Variants in MYH14 observed in about 807,000 individuals in gnomAD.
MYH14 encodes myosin heavy chain 14.
A neutral mutation model predicts 255.5 loss-of-function variants in MYH14; 123 were observed. The observed-to-expected ratio is 0.48, with a 90% CI of 0.42 to 0.56. The LOEUF (loss-of-function observed/expected upper bound fraction) is 0.56. Among genes scored for constraint, MYH14 ranks in the 20% least tolerant of loss-of-function variants. MYH14 has a pLI of 0.00. For missense variants in MYH14, 2,423 were observed against 2,802.3 expected, an observed-to-expected ratio of 0.86 and a Z score of 3.06; for synonymous variants, 1,095 against 1,161.2, an observed-to-expected ratio of 0.94 and a Z score of 1.16.
At position 50,250,553 on chromosome 19, in the gene MYH14, G is replaced by A. The variant is rs1231691389; in HGVS notation, c.1695G>A (p.Glu565=). ...PPGLLALLDE[E]CWFPKATDKS... Reference sequence around the variant, plus strand: ...GACTCCTGGCCCTGCTGGATGAGGAGTGCTGGTTCCCGAAGGCCACAGACA... The same window carrying A: ...GACTCCTGGCCCTGCTGGATGAGGAATGCTGGTTCCCGAAGGCCACAGACA... Residue 565 remains glutamate, a synonymous_variant, in exon 15 of 43, where the codon GAG becomes GAA. Coordinates refer to ENST00000642316, the MANE Select transcript of MYH14 (RefSeq NM_001145809.2). The surrounding 1 kb of genome is among the most constrained non-coding windows in gnomAD (Gnocchi z 5.4). The A allele has an allele frequency of 4.3e-6, 7 of 1,613,772 alleles. No individual in the cohort carries two copies. The highest frequency in any genetic ancestry group is 5.9e-6 in the Non-Finnish European group (7 of 1,179,916).
In MYH14 at chr19:50,257,495, C is replaced by T. The variant is rs1335453719; in HGVS notation, c.2232+9C>T. On this transcript the variant is annotated intron_variant, in intron 18 of 42. Transcript: ENST00000642316. ...CCAACCACGAGAAGAGGGTGAGTGA[C>T]TCAGCCTGGGGAGGAAGGGGTGGCT... 1 of 1,593,034 alleles carries T rather than the reference C, an allele frequency of 6.3e-7. No individual in the cohort carries two copies. The highest frequency in any genetic ancestry group is 8.6e-7 in the Non-Finnish European group (1 of 1,169,270).
chr19:50,230,709 A>C lies in MYH14; in HGVS notation c.973+86A>C, dbSNP rs1028176250. ...GGGCCCCTTCTGGGGAGGAAGCAAG[A>C]GTGGGGGGCTCTAATATCCGTCAAA... On this transcript the variant is annotated intron_variant, in intron 9 of 42. Transcript: ENST00000642316. The surrounding 1 kb of genome is among the most constrained non-coding windows in gnomAD (Gnocchi z 4.7). 2.7e-6 allele frequency: 3 copies of C among 1,119,670 alleles called. No individual in the cohort carries two copies. Among genetic ancestry groups the C allele is most frequent in the African/African-American group, 3.1e-5 (2 of 64,246 alleles). The allele number at this position is 1,119,670 out of a possible 1,614,324, so 69.4% of individuals were successfully genotyped here.
At chr19:50,253,520 G>A (rs2034479550) in intron 16 of MYH14, among the ~76,000 whole-genome samples, 1 of 151,984 alleles carries the variant, frequency 6.6e-6, no homozygotes, top group Admixed American at 6.6e-5. Context: ...TTGCAGGTCA[G>A]TCAACTTTTA....
At chr19:50,265,549 G>A (rs951518054) in intron 22 of MYH14, among the ~76,000 whole-genome samples, 6 of 151,832 alleles carry the variant, frequency 4.0e-5, no homozygotes, top group African/African-American at 1.2e-4. Flanking sequence ...GGCCAGGCAC[G>A]GAGGCGTATG....
chr19:50,249,306 T>C, intron 13 of MYH14, 167 bp downstream of exon 13: 1 of 823,156 alleles, frequency 1.2e-6, no homozygotes, highest in Non-Finnish European at 1.8e-6. Flanking sequence ...TGGGTCTCTG[T>C]CCCCTGTCTC....
intron 24 of MYH14, among the ~76,000 whole-genome samples, chr19:50,269,326 T>C (rs1444062168): frequency 1.3e-5 from 2 of 152,182 alleles, no homozygotes; most frequent in Non-Finnish European, 2.9e-5. Context: ...ATTACAGGTG[T>C]GTGCCACCAT....
rs377343183 is a variant in MYH14, at chr19:50,261,431, C to T, written c.2425-44C>T. 6.3e-3 allele frequency: 5,289 copies of T among 845,696 alleles called. 55 individuals carry two copies. Among genetic ancestry groups the T allele is most frequent in the Non-Finnish European group, 7.3e-3 (4,962 of 682,320 alleles). 52.4% of individuals were successfully genotyped at this position (845,696 alleles called of 1,614,324 possible). On this transcript the variant is annotated intron_variant, in intron 20 of 42. Transcript: ENST00000642316. ...CCCCCTCCTCACCACCCCCACTCCC[C>T]CATCACCCCCTCTCCGTCATCACCC...
intron 40 of MYH14, among the ~76,000 whole-genome samples, chr19:50,305,615 G>C (rs1464057516): frequency 1.3e-5 from 2 of 152,062 alleles, no homozygotes; most frequent in African/African-American, 2.4e-5. Flanking sequence ...GAGGTTCCGA[G>C]GGAGTAGATG....
At position 50,272,681 on chromosome 19, in the gene MYH14, G is replaced by T. The variant is rs765916839; in HGVS notation, c.3417G>T (p.Leu1139=). The T allele has an allele frequency of 4.9e-5, 76 of 1,553,840 alleles. No individual in the cohort carries two copies. Among genetic ancestry groups the T allele is most frequent in the Non-Finnish European group, 6.3e-5 (72 of 1,149,266 alleles). The stretch of plus-strand genomic sequence containing the variant: ...AGCAGCAACAGCGGGCAGAGGAGCT[G>T]CGGGCCCAGCTGGGCCGGAAGGAGG... ...MVEQQQRAEE[L]RAQLGRKEEE... Residue 1139 remains leucine (L), a synonymous_variant, in exon 27 of 43, where the codon CTG becomes CTT. Transcript: ENST00000642316.
At chr19:50,207,571 G>A (rs570572775) in intron 1 of MYH14, among the ~76,000 whole-genome samples, 50 of 152,070 alleles carry the variant, frequency 3.3e-4, no homozygotes, top group Non-Finnish European at 6.3e-4. Context: ...AGGCCCACTC[G>A]GGGCGGAGTC....
rs1389321286 is a variant in MYH14, at chr19:50,276,459, G to A, written c.3680+256G>A. On this transcript the variant is annotated intron_variant, in intron 28 of 42. Transcript: ENST00000642316. This position sits in a 1 kb window ranked among gnomAD's most constrained non-coding sequence, Gnocchi z 4.3. The stretch of plus-strand genomic sequence containing the variant: ...TCAACCCAGAACAAGGGGTGCTTTA[G>A]CGGAGTAACACGGGGCACTGTGGGT... Among the ~76,000 whole-genome samples the A allele has an allele frequency of 6.6e-6, 1 of 152,144 alleles. No individual in the cohort carries two copies. Among genetic ancestry groups the A allele is most frequent in the African/African-American group, 2.4e-5 (1 of 41,436 alleles).
chr19:50,299,876 C>CAG (rs2036421196), intron 39 of MYH14, among the ~76,000 whole-genome samples: 2 of 152,054 alleles, frequency 1.3e-5, no homozygotes, highest in South Asian at 4.1e-4. Context: ...CCCCGGGAGG[C>CAG]AGAGATTGCA....
Position 50,293,329 on chromosome 19 carries a change from C to T in MYH14, c.5345+8C>T. The T allele has an allele frequency of 6.3e-7, 1 of 1,592,732 alleles. No homozygotes were observed. ...CAATGGTAACCTTAGCAAGTAAGTG[C>T]CCCAAGGGTCTGAAGGCTGAGGTAC... On this transcript the variant is annotated splice_region_variant and intron_variant, in intron 38 of 42. Transcript: ENST00000642316. The surrounding 1 kb of genome is among the most constrained non-coding windows in gnomAD (Gnocchi z 4.1).
At chr19:50,309,320 T>G in intron 42 of MYH14, 143 bp downstream of exon 42, 1 of 820,600 alleles carries the variant, frequency 1.2e-6, no homozygotes, top group Non-Finnish European at 2.0e-6. Flanking sequence ...GCGGCTGTGT[T>G]GCGGGAGAGC....
chr19:50,266,387 CCT>C lies in MYH14; in HGVS notation c.2695-485_2695-484del, dbSNP rs1197467207. Among the ~76,000 whole-genome samples, 2 of 152,076 alleles carry C rather than the reference CCT, an allele frequency of 1.3e-5. No individual in the cohort carries two copies. Among genetic ancestry groups the C allele is most frequent in the Non-Finnish European group, 2.9e-5 (2 of 68,010 alleles). ...ACCAGCCTGGCCAACATAGCGAAAC[CCT>C]CTCTACTGAAAGCACAAAAATTAGC... On this transcript the variant is annotated intron_variant, in intron 22 of 42. Coordinates refer to ENST00000642316, the MANE Select transcript of MYH14 (RefSeq NM_001145809.2). This position sits in a 1 kb window ranked among gnomAD's most constrained non-coding sequence, Gnocchi z 4.1.
Position 50,210,365 on chromosome 19 carries a change from C to A in MYH14, c.-1C>A. On this transcript the variant is annotated splice_region_variant and 5_prime_UTR_variant, in exon 2 of 43. Coordinates refer to ENST00000642316, the MANE Select transcript of MYH14 (RefSeq NM_001145809.2). Reference sequence around the variant, plus strand: ...ACCCTCTTTCTTTGCCCCTGCAGACCATGGCAGCCGTGACCATGTCGGTGC... The same window carrying A: ...ACCCTCTTTCTTTGCCCCTGCAGACAATGGCAGCCGTGACCATGTCGGTGC... The A allele has an allele frequency of 6.3e-7, 1 of 1,586,290 alleles. No homozygotes were observed. The highest frequency in any genetic ancestry group is 1.1e-5 in the South Asian group (1 of 87,592).
Position 50,276,972 on chromosome 19 carries a change from G to T in MYH14, c.3825+71G>T. 2.4e-6 allele frequency: 3 copies of T among 1,262,558 alleles called. No individual in the cohort carries two copies. The South Asian group carries it at 4.0e-5, about 17-fold the overall frequency. 78.2% of individuals were successfully genotyped at this position (1,262,558 alleles called of 1,614,324 possible). ...AGGGCAGGACGCGGGGTTGGAGGAG[G>T]TACCGCTGGCTGGTTCTAGGCTAGC... On this transcript the variant is annotated intron_variant, in intron 29 of 42. Transcript: ENST00000642316. The surrounding 1 kb of genome is among the most constrained non-coding windows in gnomAD (Gnocchi z 4.3).
intron 33 of MYH14, 88 bp from the exon 34 acceptor site, chr19:50,286,394 T>A (rs1601026784): frequency 8.1e-7 from 1 of 1,241,240 alleles, no homozygotes; most frequent in East Asian, 2.5e-5. Flanking sequence ...TCTCTTTCTC[T>A]GTTCCTGGCT....
At chr19:50,260,756 TGTGTGCGTGCATGA>T (rs775799941) in intron 20 of MYH14, 41 bp downstream of exon 20, 36 of 1,470,044 alleles carry the variant, frequency 2.4e-5, no homozygotes, top group East Asian at 2.1e-4. Flanking sequence ...TGCGTGTGTG[TGTGTGCGTGCATGA>T]GTGTGCGTGC....
Sources: allele counts gnomAD v4.1 joint callset (sites outside exome capture counted in the v4.1 genomes callset), GRCh38; gene constraint gnomAD v4.1.1; non-coding constraint Gnocchi (gnomAD v3.1); transcripts MANE v1.5; gene names NCBI Gene and HGNC (gene_info 2026-07-23, HGNC 2026-07-21).